Variants in SPRYD3 observed in about 807,000 individuals in gnomAD.
SPRYD3 encodes SPRY domain-containing protein 3.
In SPRYD3, 17 loss-of-function variants were observed where a neutral mutation model predicts 50.1. The observed-to-expected ratio is 0.34, with a 90% CI of 0.23 to 0.51. The LOEUF is 0.51. SPRYD3 is among the 20% of genes least tolerant of loss of function. The probability of loss-of-function intolerance (pLI) is 0.97; values close to 1 mark genes in which losing one functional copy is unlikely to be tolerated. For synonymous variants in SPRYD3, 198 were observed against 215.5 expected, an observed-to-expected ratio of 0.92 and a Z score of 0.71; for missense variants, 401 against 591.2, an observed-to-expected ratio of 0.68 and a Z score of 3.34.
rs1396476324 is a variant in SPRYD3, at chr12:53,067,648, C to T, written c.901G>A (p.Asp301Asn). 5.6e-6 allele frequency: 9 copies of T among 1,613,866 alleles called. No individual in the cohort carries two copies. In the Admixed American group the frequency reaches 1.3e-4, roughly 24 times the overall value. The change falls in exon 8 of 11, where the codon GAC becomes AAC. Residue 301 changes from aspartate (D) to asparagine (N), a missense_variant and splice_region_variant. Coordinates refer to ENST00000301463, the MANE Select transcript of SPRYD3 (RefSeq NM_032840.3). ...CTTTCCCAGGCAGCCCGCTATTCAC[C>T]TGCATGATAAGCCACAGACCCTCTG... Reference protein sequence around the residue: ...WSRGSVAYHADDGKIFHGSGV... With the variant: ...WSRGSVAYHANDGKIFHGSGV...
intron 3 of SPRYD3, 114 bp downstream of exon 3, chr12:53,075,622 C>T: frequency 2.4e-6 from 2 of 829,880 alleles, no homozygotes; most frequent in East Asian, 2.6e-5. Flanking sequence ...ACAGGACAGC[C>T]CTGATGGAAA....
intron 6 of SPRYD3, 86 bp downstream of exon 6, chr12:53,073,200 G>T: frequency 1.1e-6 from 1 of 887,528 alleles, no homozygotes; most frequent in Admixed American, 2.3e-5. Flanking sequence ...CCCATTCCCA[G>T]CAATTCAGAC....
chr12:53,073,646 C>A lies in SPRYD3; in HGVS notation c.508-175G>T, dbSNP rs1436792708. On this transcript the variant is annotated intron_variant, in intron 5 of 10. Coordinates refer to ENST00000301463, the MANE Select transcript of SPRYD3 (RefSeq NM_032840.3). ...GATCACAAGGTCAGGAGATTGAAAC[C>A]ATCCTGGCTAACACGGTGAAACCCC... is the stretch of plus-strand genomic sequence containing the variant. Among the ~76,000 whole-genome samples, 3 of 152,060 alleles carry A rather than the reference C, an allele frequency of 2.0e-5. No homozygotes were observed. The East Asian group carries it at 5.8e-4, about 29-fold the overall frequency.
intron 6 of SPRYD3, 48 bp from the exon 7 acceptor site, chr12:53,068,352 C>T (rs1205954008): frequency 6.2e-7 from 1 of 1,601,994 alleles, no homozygotes. Context: ...CTGACACCCA[C>T]CCTGGAAACC....
intron 1 of SPRYD3, 132 bp downstream of exon 1, chr12:53,079,179 A>C: frequency 1.0e-6 from 1 of 959,314 alleles, no homozygotes; most frequent in Non-Finnish European, 1.6e-6. Context: ...GTGCAGCAAC[A>C]GAAGAAGCCC....
chr12:53,074,838 C>T lies in SPRYD3; in HGVS notation c.372-54G>A. 6.2e-7 allele frequency: 1 copy of T among 1,603,108 alleles called. No homozygotes were observed. The highest frequency in any genetic ancestry group is 2.2e-5 in the East Asian group (1 of 44,744). On this transcript the variant is annotated intron_variant, in intron 4 of 10. Coordinates refer to ENST00000301463, the MANE Select transcript of SPRYD3 (RefSeq NM_032840.3). This position sits in a 1 kb window ranked among gnomAD's most constrained non-coding sequence, Gnocchi z 4.6. ...CCCGAGCCTGGCCTCCCAACTTCTC[C>T]CCAGCACTGACAGCAGAGGCCTCAT...
chr12:53,075,721 C>T lies in SPRYD3; in HGVS notation c.246+15G>A, dbSNP rs773007651. ...AAGCTCACCCCCTGCTCTGCCCACC[C>T]ACTGCCTTGATCACCTCAAAATAAT... On this transcript the variant is annotated intron_variant, in intron 3 of 10. Coordinates refer to ENST00000301463, the MANE Select transcript of SPRYD3 (RefSeq NM_032840.3). 5.0e-6 allele frequency: 8 copies of T among 1,610,552 alleles called. No individual in the cohort carries two copies. The highest frequency in any genetic ancestry group is 6.8e-6 in the Non-Finnish European group (8 of 1,176,720).
intron 6 of SPRYD3, 34 bp downstream of exon 6, chr12:53,073,252 C>T (rs899484444): frequency 2.3e-6 from 1 of 431,982 alleles, no homozygotes. Context: ...CCTCCTCCGA[C>T]CCAGCCCCTC....
Position 53,064,629 on chromosome 12 carries a change from G to GTATAAA in SPRYD3, c.*1197_*1202dup, listed in dbSNP as rs998397658. 6.5e-6 allele frequency: 1 copy of GTATAAA among 152,678 alleles called. No individual in the cohort carries two copies. The highest frequency in any genetic ancestry group is 2.4e-5 in the African/African-American group (1 of 41,444). 9.5% of individuals were successfully genotyped at this position (152,678 alleles called of 1,614,324 possible). On this transcript the variant is annotated 3_prime_UTR_variant, in exon 11 of 11. Coordinates refer to ENST00000301463, the MANE Select transcript of SPRYD3 (RefSeq NM_032840.3). ...TACGGAAACTCCATCTTTATCGGCT[G>GTATAAA]TATAAACATCTCTGGTCTGTACATA...
rs1432554180 is a variant in SPRYD3 at position 53,074,552 on chromosome 12, C to T, written c.507+97G>A. 40 of 1,512,850 alleles carry T rather than the reference C, an allele frequency of 2.6e-5. No homozygotes were observed. The highest frequency in any genetic ancestry group is 3.4e-5 in the Non-Finnish European group (37 of 1,100,010). 93.7% of individuals were successfully genotyped at this position (1,512,850 alleles called of 1,614,324 possible). ...AGATGGGAACTCAGTGCAAGGGTCC[C>T]TGGGCAAGCCCCAGCCAGCAGACTC... On this transcript the variant is annotated intron_variant, in intron 5 of 10. Coordinates refer to ENST00000301463, the MANE Select transcript of SPRYD3 (RefSeq NM_032840.3). The surrounding 1 kb of genome is among the most constrained non-coding windows in gnomAD (Gnocchi z 4.6).
chr12:53,067,673 G>T lies in SPRYD3; in HGVS notation c.876C>A (p.Ser292Arg), dbSNP rs1315361512. 3 of 1,614,058 alleles carry T rather than the reference G, an allele frequency of 1.9e-6. No individual in the cohort carries two copies. Reference sequence around the variant, plus strand: ...CTGCATGATAAGCCACAGACCCTCTGCTCCAGCCAGGGTGCCTGTTCTTGG... The same window carrying T: ...CTGCATGATAAGCCACAGACCCTCTTCTCCAGCCAGGGTGCCTGTTCTTGG... ...DYPKNRHPGW[S>R]RGSVAYHADD... Residue 292 changes from serine to arginine, a missense_variant, in exon 8 of 11, where the codon AGC (serine) becomes AGA (arginine). Coordinates refer to ENST00000301463, the MANE Select transcript of SPRYD3 (RefSeq NM_032840.3).
chr12:53,073,256 G>GCCCCCGGGGGGGGGGCCC, intron 6 of SPRYD3, 30 bp downstream of exon 6: 4 of 424,130 alleles, frequency 9.4e-6, no homozygotes, highest in Non-Finnish European at 8.8e-6. Flanking sequence ...CTCCGACCCA[G>GCCCCCGGGGGGGGGGCCC]CCCCTCCCAC....
chr12:53,069,193 T>C (rs1944531831), intron 6 of SPRYD3, among the ~76,000 whole-genome samples: 1 of 151,956 alleles, frequency 6.6e-6, no homozygotes, highest in African/African-American at 2.4e-5. Flanking sequence ...CTCAACCCCA[T>C]CCCCTCTTTC....
intron 6 of SPRYD3, among the ~76,000 whole-genome samples, chr12:53,072,302 A>G (rs1361223988): frequency 6.6e-6 from 1 of 152,152 alleles, no homozygotes; most frequent in African/African-American, 2.4e-5. Flanking sequence ...GCAGGAGGGC[A>G]CACTTCCTGT....
At position 53,066,358 on chromosome 12, in the gene SPRYD3, C is replaced by T; in HGVS notation, c.1150G>A (p.Asp384Asn). 1 of 1,613,062 alleles carries T rather than the reference C, an allele frequency of 6.2e-7. No individual in the cohort carries two copies. Among genetic ancestry groups the T allele is most frequent in the Non-Finnish European group, 8.5e-7 (1 of 1,179,198 alleles). ...EEEEEEEEEE[D>N]GEEIEPEHEG... ...TGCTCCGGCTCTATCTCTTCCCCATCCTCTTCCTCTTCCTCTTCCTCCTCT... is the reference window on the plus strand; with the variant it reads ...TGCTCCGGCTCTATCTCTTCCCCATTCTCTTCCTCTTCCTCTTCCTCCTCT... Residue 384 changes from aspartate (D) to asparagine (N), a missense_variant, in exon 10 of 11, where the codon GAT (aspartate) becomes AAT (asparagine). Asp to Asn is a conservative substitution (Grantham distance 23). Transcript: ENST00000301463.
chr12:53,067,723 A>C lies in SPRYD3; in HGVS notation c.844-18T>G. 6.2e-7 allele frequency: 1 copy of C among 1,612,230 alleles called. No homozygotes were observed. Among genetic ancestry groups the C allele is most frequent in the Non-Finnish European group, 8.5e-7 (1 of 1,178,420 alleles). On this transcript the variant is annotated intron_variant, in intron 7 of 10. Coordinates refer to ENST00000301463, the MANE Select transcript of SPRYD3 (RefSeq NM_032840.3). ...GGATAGTCCTGCACCAAGAAGAGAA[A>C]AGAAAATCTATGGTCCCATGCATAA...
intron 6 of SPRYD3, 73 bp downstream of exon 6, chr12:53,073,213 G>T: frequency 3.0e-6 from 3 of 991,124 alleles, no homozygotes; most frequent in South Asian, 3.1e-5. Context: ...ATTCAGACAT[G>T]ACCATGTGCC....
At chr12:53,075,706 C>T (rs1260144130) in intron 3 of SPRYD3, 30 bp downstream of exon 3, 2 of 1,583,952 alleles carry the variant, frequency 1.3e-6, no homozygotes, top group South Asian at 2.2e-5. Flanking sequence ...AAGCTCACCC[C>T]CTGCTCTGCC....
intron 6 of SPRYD3, 36 bp downstream of exon 6, chr12:53,073,250 G>A (rs755898302): frequency 2.2e-5 from 13 of 594,042 alleles, no homozygotes; most frequent in East Asian, 6.1e-5. Context: ...AGCCTCCTCC[G>A]ACCCAGCCCC....
Sources: allele counts gnomAD v4.1 joint callset (sites outside exome capture counted in the v4.1 genomes callset), GRCh38; gene constraint gnomAD v4.1.1; non-coding constraint Gnocchi (gnomAD v3.1); transcripts MANE v1.5; gene names NCBI Gene and HGNC (gene_info 2026-07-23, HGNC 2026-07-21).